Variants in CUBN observed in about 807,000 individuals in gnomAD.
CUBN encodes the protein 460 kDa receptor.
A neutral mutation model predicts 405.3 loss-of-function variants in CUBN; 282 were observed. That is an observed-to-expected ratio of 0.70 (90% CI 0.63 to 0.77). CUBN has a LOEUF of 0.77. Among genes scored for constraint, CUBN ranks in the 30% least tolerant of loss-of-function variants. The pLI, the probability that CUBN is intolerant of heterozygous loss-of-function variation, is 0.00. For missense variants in CUBN, 4,514 were observed against 4,475.2 expected (o/e 1.01, Z -0.25); for synonymous variants, 1,684 against 1,617.0 (o/e 1.04, Z -0.99).
At position 17,088,146 on chromosome 10, in the gene CUBN, C is replaced by T. The variant is rs374436643; in HGVS notation, c.1947+18G>A. 72 of 1,594,890 alleles carry T rather than the reference C, an allele frequency of 4.5e-5. No individual in the cohort carries two copies. In the Middle Eastern group the frequency reaches 6.6e-4, roughly 15 times the overall value. ...CTAATCATATTGTGATATGTTCTAT[C>T]TAAATATAATTATTTACCTCAAGGT... is the stretch of plus-strand genomic sequence containing the variant. On this transcript the variant is annotated intron_variant, in intron 15 of 66. Coordinates refer to ENST00000377833, the MANE Select transcript of CUBN (RefSeq NM_001081.4).
At chr10:16,997,115 A>G (rs1833757278) in intron 28 of CUBN, among the ~76,000 whole-genome samples, 1 of 152,194 alleles carries the variant, frequency 6.6e-6, no homozygotes, top group South Asian at 2.1e-4. Context: ...TTCATTGGCA[A>G]GGCCAGTTTG....
Position 17,109,833 on chromosome 10 carries a change from G to A in CUBN, c.1016-98C>T, listed in dbSNP as rs952837820. ...AAATATCATGAAATGGACCAATCAGGGATCCTCTATCATCGAAACAAAAAA... is the reference window on the plus strand; with the variant it reads ...AAATATCATGAAATGGACCAATCAGAGATCCTCTATCATCGAAACAAAAAA... On this transcript the variant is annotated intron_variant, in intron 9 of 66. Coordinates refer to ENST00000377833, the MANE Select transcript of CUBN (RefSeq NM_001081.4). 3.4e-5 allele frequency: 31 copies of A among 908,464 alleles called. No homozygotes were observed. In the African/African-American group the frequency reaches 5.0e-4, roughly 15 times the overall value. 56.3% of individuals were successfully genotyped at this position (908,464 alleles called of 1,614,324 possible). A position where few individuals can be genotyped will look rare whatever the true frequency, so the allele number is the denominator to read the frequency against.
chr10:17,056,546 T>G (rs1835400782), intron 22 of CUBN, among the ~76,000 whole-genome samples: 1 of 151,860 alleles, frequency 6.6e-6, no homozygotes. Context: ...GAGTCGGAGC[T>G]TGCAGTGAGC....
Position 17,114,105 on chromosome 10 carries a change from A to G in CUBN, c.805T>C (p.Phe269Leu). ...AGTGTGGAGCAAGGCCCGGGCTGGA[A>G]GCTGCACTCGTCTCTGTCCAGCGTG... ...ACTLDRDECS[F>L]QPGPCSTLVQ... Residue 269 changes from phenylalanine to leucine, a missense_variant, in exon 8 of 67, where the codon TTC becomes CTC. Phe to Leu is a conservative substitution (Grantham distance 22). This residue lies in a region of CUBN where 1,448 missense variants were observed against 1,388.0 expected (regional missense o/e 1.04). Transcript: ENST00000377833. 3 of 1,613,658 alleles carry G rather than the reference A, an allele frequency of 1.9e-6. No individual in the cohort carries two copies. The highest frequency in any genetic ancestry group is 1.1e-5 in the South Asian group (1 of 90,850).
At chr10:16,846,833 A>AAAAGAG (rs1839528793) in intron 60 of CUBN, among the ~76,000 whole-genome samples, 1 of 151,240 alleles carries the variant, frequency 6.6e-6, no homozygotes, top group Non-Finnish European at 1.5e-5. Context: ...AAAGAAAAGA[A>AAAAGAG]AAAGAAAAAG....
chr10:17,040,175 C>A (rs1316402371), intron 27 of CUBN, among the ~76,000 whole-genome samples: 2 of 152,076 alleles, frequency 1.3e-5, no homozygotes, highest in Admixed American at 6.6e-5. Flanking sequence ...TACCTTAAGT[C>A]ACTAGGCTGC....
intron 21 of CUBN, among the ~76,000 whole-genome samples, chr10:17,066,952 C>A (rs756625972): frequency 1.3e-5 from 2 of 152,042 alleles, no homozygotes; most frequent in African/African-American, 4.8e-5. Flanking sequence ...GGACAACAAA[C>A]CTTCAGAGAC....
intron 59 of CUBN, among the ~76,000 whole-genome samples, chr10:16,857,310 A>C (rs1188994348): frequency 2.0e-5 from 3 of 152,234 alleles, no homozygotes; most frequent in African/African-American, 7.2e-5. Context: ...GGTAATATTT[A>C]GGAATCATAA....
Position 16,828,941 on chromosome 10 carries a change from G to A in CUBN, c.10628C>T (p.Ala3543Val), listed in dbSNP as rs751961856. 1.5e-5 allele frequency: 24 copies of A among 1,614,126 alleles called. 1 individual carries two copies. Among genetic ancestry groups the A allele is most frequent in the Non-Finnish European group, 2.0e-5 (24 of 1,180,026 alleles). Residue 3543 changes from alanine to valine, a missense_variant, in exon 66 of 67, where the codon GCT (alanine) becomes GTT (valine). Ala to Val is a moderately conservative substitution (Grantham distance 64). This residue lies in a region of CUBN where 1,186 missense variants were observed against 1,186.9 expected (regional missense o/e 1.00). Coordinates refer to ENST00000377833, the MANE Select transcript of CUBN (RefSeq NM_001081.4). ...GATGGTGACAAGCCTTCCAGCAGGA[G>A]CAACAAGGACCCACTCGCAGTACGT... ...NNTYCEWVLV[A>V]PAGRLVTINF...
chr10:17,046,588 T>A (rs1327983242), intron 23 of CUBN, among the ~76,000 whole-genome samples: 12 of 150,574 alleles, frequency 8.0e-5, no homozygotes, highest in Non-Finnish European at 1.8e-4. Flanking sequence ...AATTCTAGTT[T>A]ATAATCTGTA....
In CUBN at chr10:17,019,890, G is replaced by A; in HGVS notation, c.4111C>T (p.Leu1371Phe). The A allele has an allele frequency of 6.2e-7, 1 of 1,614,146 alleles. No individual in the cohort carries two copies. Among genetic ancestry groups the A allele is most frequent in the South Asian group, 1.1e-5 (1 of 91,088 alleles). The change falls in exon 28 of 67, where the codon CTT (leucine) becomes TTT (phenylalanine). Residue 1371 changes from leucine to phenylalanine, a missense_variant. Physicochemically the swap from Leu to Phe is conservative, Grantham distance 22. Coordinates refer to ENST00000377833, the MANE Select transcript of CUBN (RefSeq NM_001081.4). ...TTSSKLQVLL[L>F]TDGVGRREKG... is the part of the protein sequence containing the mutation. ...TCACGGCGGCCAACCCCATCTGTAAGGAGCAGCACTTGAAGCTTGGAGCTT... is the reference window on the plus strand; with the variant it reads ...TCACGGCGGCCAACCCCATCTGTAAAGAGCAGCACTTGAAGCTTGGAGCTT...
Position 16,890,377 on chromosome 10 carries a change from C to G in CUBN, c.8749G>C (p.Val2917Leu), listed in dbSNP as rs142248018. The G allele has an allele frequency of 1.2e-6, 2 of 1,613,026 alleles. No homozygotes were observed. The highest frequency in any genetic ancestry group is 1.3e-5 in the African/African-American group (1 of 75,002). ...GGTTCTTAGGGCTACTTACGGCTAA[C>G]AAAGGACGCGGAGAAGCCCTGAGCT... is the stretch of plus-strand genomic sequence containing the variant. The part of the protein sequence containing the change: ...APAQGFSASF[V>L]SRCGSNFTGP... Residue 2917 changes from valine to leucine, a missense_variant, in exon 55 of 67, where the codon GTT becomes CTT. Transcript: ENST00000377833.
At chr10:17,112,577 C>T (rs1277741258) in intron 8 of CUBN, among the ~76,000 whole-genome samples, 1 of 151,776 alleles carries the variant, frequency 6.6e-6, no homozygotes, top group Non-Finnish European at 1.5e-5. Flanking sequence ...AAAGATTGTC[C>T]ATGATAAATT....
chr10:16,985,883 G>C (rs965517274), intron 29 of CUBN, among the ~76,000 whole-genome samples: 7 of 152,186 alleles, frequency 4.6e-5, no homozygotes, highest in Admixed American at 1.3e-4. Context: ...CAATACCCCA[G>C]TGACATAGTC....
At chr10:17,047,193 T>A (rs1835155956) in intron 23 of CUBN, among the ~76,000 whole-genome samples, 1 of 152,186 alleles carries the variant, frequency 6.6e-6, no homozygotes, top group South Asian at 2.1e-4. Context: ...TTCAAGTATT[T>A]CCAATAAAAT....
chr10:16,947,444 C>G, intron 35 of CUBN, 77 bp from the exon 36 acceptor site: 1 of 1,413,594 alleles, frequency 7.1e-7, no homozygotes. Flanking sequence ...AGAAAGAACG[C>G]TAGAGCCATT....
At chr10:16,974,989 G>A (rs1275118193) in intron 31 of CUBN, among the ~76,000 whole-genome samples, 4 of 152,042 alleles carry the variant, frequency 2.6e-5, no homozygotes, top group African/African-American at 9.7e-5. Flanking sequence ...TATGTTAATG[G>A]TAAGCCTTCT....
chr10:17,089,231 A>G (rs1437658707), intron 14 of CUBN, among the ~76,000 whole-genome samples: 1 of 152,230 alleles, frequency 6.6e-6, no homozygotes, highest in Non-Finnish European at 1.5e-5. Flanking sequence ...GAAACAAATT[A>G]GTTCCATGAG....
At chr10:16,866,847 G>A (rs1040481214) in intron 59 of CUBN, among the ~76,000 whole-genome samples, 4 of 152,076 alleles carry the variant, frequency 2.6e-5, no homozygotes, top group African/African-American at 7.2e-5. Flanking sequence ...CAGAAGTTCC[G>A]AGGAAAAAGG....
Sources: allele counts gnomAD v4.1 joint callset (sites outside exome capture counted in the v4.1 genomes callset), GRCh38; gene constraint gnomAD v4.1.1; regional missense constraint gnomAD v4.1.1; transcripts MANE v1.5; gene names NCBI Gene and HGNC (gene_info 2026-07-23, HGNC 2026-07-21).